Variants in SLC26A3 observed in about 807,000 individuals in gnomAD.
SLC26A3 encodes solute carrier family 26 member 3.
A neutral mutation model predicts 85.6 loss-of-function variants in SLC26A3; 64 were observed. The ratio of observed to expected loss-of-function variants is 0.75; its 90% CI spans 0.61 to 0.92. SLC26A3 has a LOEUF of 0.92. Among genes scored for constraint, SLC26A3 ranks in the 40% least tolerant of loss-of-function variants. The pLI is 0.00. For missense variants in SLC26A3, 922 were observed against 927.3 expected (o/e 0.99, Z 0.07); for synonymous variants, 349 against 336.0 (o/e 1.04, Z -0.42).
rs138002384 is a variant in SLC26A3, at chr7:107,767,879, C to G, written c.2092G>C (p.Glu698Gln). The G allele has an allele frequency of 6.4e-4, 1,031 of 1,613,568 alleles. 6 individuals carry two copies. In the African/African-American group the frequency reaches 0.01, roughly 16 times the overall value. Residue 698 changes from glutamate to glutamine, a missense_variant, in exon 19 of 21, where the codon GAA becomes CAA. Glu to Gln is a conservative substitution (Grantham distance 29, BLOSUM62 2). Coordinates refer to ENST00000340010, the MANE Select transcript of SLC26A3 (RefSeq NM_000111.3). ...CTTTTCACTTCACCATCAAAAAATT[C>G]ATACCGGTTAAGCTTCTCAATGAAG... ...DDFIEKLNRY[E>Q]FFDGEVKSSI...
chr7:107,791,728 TCTC>T lies in SLC26A3; in HGVS notation c.382+99_382+101del, dbSNP rs1279852258. ...AATTCTCACAGGAGACCATGACTCT[TCTC>T]CTGGATTATGTGAAATTTGGAATTG... On this transcript the variant is annotated intron_variant, in intron 4 of 20. Transcript: ENST00000340010. 5 of 800,530 alleles carry T rather than the reference TCTC, an allele frequency of 6.2e-6. No individual in the cohort carries two copies. The East Asian group carries it at 7.8e-5, about 12-fold the overall frequency. 49.6% of individuals were successfully genotyped at this position (800,530 alleles called of 1,614,324 possible).
At chr7:107,775,715 T>C (rs988109525) in intron 15 of SLC26A3, among the ~76,000 whole-genome samples, 2 of 151,758 alleles carry the variant, frequency 1.3e-5, no homozygotes, top group African/African-American at 4.8e-5. Flanking sequence ...AAGCGAGACC[T>C]TGTCTCAAAA....
intron 4 of SLC26A3, among the ~76,000 whole-genome samples, chr7:107,791,473 G>T (rs184105110): frequency 1.3e-5 from 2 of 152,104 alleles, no homozygotes; most frequent in African/African-American, 2.4e-5. Context: ...TTAGTCAGGC[G>T]TGATGGTGCA....
chr7:107,788,593 A>C (rs1265163244), intron 6 of SLC26A3, among the ~76,000 whole-genome samples: 1 of 152,062 alleles, frequency 6.6e-6, no homozygotes, highest in Non-Finnish European at 1.5e-5. Context: ...AAAATGGTAA[A>C]GCTTTTAAAA....
chr7:107,782,731 G>T, intron 11 of SLC26A3, 66 bp downstream of exon 11: 1 of 1,452,004 alleles, frequency 6.9e-7, no homozygotes, highest in Non-Finnish European at 9.7e-7. Flanking sequence ...TGTGCTTTCA[G>T]AATTTAAGAA....
At chr7:107,794,911 TC>T (rs1207638554) in intron 1 of SLC26A3, among the ~76,000 whole-genome samples, 2 of 152,248 alleles carry the variant, frequency 1.3e-5, no homozygotes, top group Non-Finnish European at 2.9e-5. Flanking sequence ...CAGAAATATT[TC>T]CAAAGTTAAG....
At chr7:107,784,918 G>A (rs1794268507) in intron 8 of SLC26A3, among the ~76,000 whole-genome samples, 1 of 152,098 alleles carries the variant, frequency 6.6e-6, no homozygotes, top group South Asian at 2.1e-4. Context: ...TTTGTATTTA[G>A]TGTATGAGAC....
chr7:107,767,803 TTCA>T lies in SLC26A3; in HGVS notation c.2165_2167del (p.Met722del). 6.2e-7 allele frequency: 1 copy of T among 1,613,910 alleles called. No individual in the cohort carries two copies. Among genetic ancestry groups the T allele is most frequent in the East Asian group, 2.2e-5 (1 of 44,870 alleles). On this transcript the variant is annotated inframe_deletion, in exon 19 of 21. Coordinates refer to ENST00000340010, the MANE Select transcript of SLC26A3 (RefSeq NM_000111.3). ...AAACTTTGAAGTACTGTAATCTTTC[TTCA>T]TCAAAATATGCAAAACAGCATCATG... is the stretch of plus-strand genomic sequence containing the variant.
At chr7:107,777,538 C>T (rs1562876633) in intron 13 of SLC26A3, among the ~76,000 whole-genome samples, 3 of 151,726 alleles carry the variant, frequency 2.0e-5, no homozygotes, top group Non-Finnish European at 2.9e-5. Flanking sequence ...TGCAGTGAGC[C>T]GAGATTACAC....
chr7:107,783,266 A>C lies in SLC26A3; in HGVS notation c.1058T>G (p.Val353Gly), dbSNP rs762612337. 1.2e-6 allele frequency: 2 copies of C among 1,614,240 alleles called. No homozygotes were observed. The highest frequency in any genetic ancestry group is 1.7e-6 in the Non-Finnish European group (2 of 1,180,028). The change falls in exon 9 of 21, where the codon GTG becomes GGG. Residue 353 changes from valine (V) to glycine (G), a missense_variant. Val to Gly is a moderately radical substitution (Grantham distance 109). Transcript: ENST00000340010. ...CFGIAMVAFAVAFSVASVYSL... is the reference protein window; with the variant it reads ...CFGIAMVAFAGAFSVASVYSL... The stretch of plus-strand genomic sequence containing the variant: ...ATAGACGCTGGCAACTGAAAAGGCC[A>C]CTGCAAATGCAACCATTGCGATGCC...
intron 18 of SLC26A3, among the ~76,000 whole-genome samples, chr7:107,771,794 G>A (rs1794034518): frequency 6.6e-6 from 1 of 152,190 alleles, no homozygotes; most frequent in African/African-American, 2.4e-5. Context: ...AGGAAGTTTA[G>A]AGTGAAAAAT....
At chr7:107,776,873 C>T in intron 13 of SLC26A3, 167 bp from the exon 14 acceptor site, 1 of 688,798 alleles carries the variant, frequency 1.5e-6, no homozygotes, top group East Asian at 2.7e-5. Flanking sequence ...CCTTGTTTTA[C>T]TTATCTTTGT....
At chr7:107,771,275 G>A (rs530809455) in intron 18 of SLC26A3, among the ~76,000 whole-genome samples, 1 of 152,260 alleles carries the variant, frequency 6.6e-6, no homozygotes, top group South Asian at 2.1e-4. Flanking sequence ...CTAAAAGCGT[G>A]TATCTGAGGT....
rs754283167 is a variant in SLC26A3, at chr7:107,782,918, CT to C, written c.1234-45del. ...TATCATCACCAACTCAACTTTTCCC[CT>C]GGCTTGAATTTCCTAGTTACTAACG... On this transcript the variant is annotated intron_variant, in intron 10 of 20. Coordinates refer to ENST00000340010, the MANE Select transcript of SLC26A3 (RefSeq NM_000111.3). 6 of 1,613,596 alleles carry C rather than the reference CT, an allele frequency of 3.7e-6. No individual in the cohort carries two copies. The East Asian group carries it at 1.3e-4, about 36-fold the overall frequency.
intron 4 of SLC26A3, 143 bp from the exon 5 acceptor site, chr7:107,791,378 G>A (rs557113411): frequency 6.3e-5 from 53 of 843,720 alleles, no homozygotes; most frequent in Admixed American, 4.4e-4. Flanking sequence ...TTGGGAGGCC[G>A]AGGCGGGTGG....
At chr7:107,792,345 T>C (rs1794416818) in intron 3 of SLC26A3, among the ~76,000 whole-genome samples, 1 of 152,130 alleles carries the variant, frequency 6.6e-6, no homozygotes. Flanking sequence ...GAAATAATTA[T>C]ACAATTCACC....
intron 3 of SLC26A3, among the ~76,000 whole-genome samples, chr7:107,793,265 C>A (rs760075438): frequency 6.6e-6 from 1 of 152,164 alleles, no homozygotes; most frequent in African/African-American, 2.4e-5. Flanking sequence ...GAAGCATGCT[C>A]ACACAAATAT....
At chr7:107,793,456 C>T (rs557317783) in intron 3 of SLC26A3, among the ~76,000 whole-genome samples, 5 of 152,220 alleles carry the variant, frequency 3.3e-5, no homozygotes, top group African/African-American at 1.2e-4. Flanking sequence ...ATGGATCAAC[C>T]TTGAAAACAT....
At chr7:107,774,259 C>T (rs1262388418) in intron 16 of SLC26A3, 106 bp from the exon 17 acceptor site, 20 of 905,026 alleles carry the variant, frequency 2.2e-5, no homozygotes, top group South Asian at 6.7e-5. Flanking sequence ...TTGAGCCAAA[C>T]GATGGGATTG....
Sources: allele counts gnomAD v4.1 joint callset (sites outside exome capture counted in the v4.1 genomes callset), GRCh38; gene constraint gnomAD v4.1.1; transcripts MANE v1.5; gene names NCBI Gene and HGNC (gene_info 2026-07-23, HGNC 2026-07-21).